The following SLC30A7 variants were observed in gnomAD, a reference collection of about 807,000 sequenced individuals.
SLC30A7 encodes the protein solute carrier family 30 member 7, also known as zinc transporter 7.
A neutral mutation model predicts 46.0 loss-of-function variants in SLC30A7; 35 were observed. That is an observed-to-expected ratio of 0.76 (90% CI 0.58 to 1.01). SLC30A7 has a LOEUF of 1.01. Among genes scored for constraint, SLC30A7 ranks in the 50% least tolerant of loss-of-function variants. The probability of loss-of-function intolerance (pLI) is 0.00; values close to 1 mark genes in which losing one functional copy is unlikely to be tolerated. For missense variants in SLC30A7, 464 were observed against 451.1 expected (o/e 1.03, Z -0.26); for synonymous variants, 147 against 157.8 (o/e 0.93, Z 0.51).
intron 2 of SLC30A7, among the ~76,000 whole-genome samples, chr1:100,904,266 A>C (rs1651499290): frequency 6.6e-6 from 1 of 152,184 alleles, no homozygotes; most frequent in South Asian, 2.1e-4. Context: ...CTTCAAGTTC[A>C]CGGATTTCTT....
chr1:100,992,520 GTACAA>G, the SLC30A7 span: 53 of 672,272 alleles, frequency 7.9e-5, 1 homozygote, highest in East Asian at 1.4e-3. Context: ...ACAAGAAATA[GTACAA>G]TACAAAAATA....
intron 8 of SLC30A7, among the ~76,000 whole-genome samples, chr1:100,939,196 C>T (rs927680938): frequency 2.6e-5 from 4 of 151,852 alleles, no homozygotes; most frequent in Non-Finnish European, 5.9e-5. Context: ...TAGCCAGTAA[C>T]ATTAAACAAG....
chr1:100,993,559 AATATATATATAT>A, the SLC30A7 span, among the ~76,000 whole-genome samples: 1,811 of 56,550 alleles, frequency 0.032, 144 homozygotes, highest in African/African-American at 0.1. Context: ...CGAAAATATA[AATATATATATAT>A]ATATATATAT....
At chr1:100,942,915 CTA>C (rs886100908) in intron 8 of SLC30A7, among the ~76,000 whole-genome samples, 32 of 152,152 alleles carry the variant, frequency 2.1e-4, no homozygotes, top group African/African-American at 7.5e-4. Flanking sequence ...TTTTATAAAA[CTA>C]TGTGGGTAAG....
intron 10 of SLC30A7, chr1:100,972,353 CTT>C: frequency 4.3e-6 from 1 of 231,322 alleles, no homozygotes; most frequent in East Asian, 1.5e-4. Flanking sequence ...AGCAAAATGA[CTT>C]TTTTTTCTTT....
chr1:100,912,793 G>A (rs565482249), intron 5 of SLC30A7, among the ~76,000 whole-genome samples: 151 of 151,798 alleles, frequency 9.9e-4, no homozygotes, highest in African/African-American at 3.5e-3. Context: ...TGGGAGAGTC[G>A]CTTGAGCCCG....
intron 2 of SLC30A7, among the ~76,000 whole-genome samples, chr1:100,905,219 T>C (rs1276757099): frequency 1.3e-5 from 2 of 152,168 alleles, no homozygotes; most frequent in African/African-American, 2.4e-5. Flanking sequence ...TTCAATACTT[T>C]AAAGGTGTTG....
chr1:100,975,324 A>T lies in SLC30A7; in HGVS notation c.*467A>T, dbSNP rs541465370. ...CACAAAACCAGTATTACTTTTTTTT[A>T]AAAAAAGAAAGAAATTGGAAATCTG... is the stretch of plus-strand genomic sequence containing the variant. On this transcript the variant is annotated 3_prime_UTR_variant, in exon 11 of 11. Coordinates refer to ENST00000357650, the MANE Select transcript of SLC30A7 (RefSeq NM_133496.5). The T allele has an allele frequency of 2.0e-3, 306 of 152,934 alleles. 1 individual carries two copies. Among genetic ancestry groups the T allele is most frequent in the Non-Finnish European group, 3.6e-3 (244 of 68,316 alleles). The allele number at this position is 152,934 out of a possible 1,614,324, so 9.5% of individuals were successfully genotyped here.
chr1:100,991,160 G>A, the SLC30A7 span, among the ~76,000 whole-genome samples: 56 of 152,322 alleles, frequency 3.7e-4, no homozygotes, highest in African/African-American at 1.3e-3. Context: ...AGCTAAGATA[G>A]TAGATATGAG....
At chr1:100,959,429 T>TC (rs1175544250) in intron 8 of SLC30A7, among the ~76,000 whole-genome samples, 1 of 152,208 alleles carries the variant, frequency 6.6e-6, no homozygotes, top group Non-Finnish European at 1.5e-5. Context: ...TGGCTCAGGA[T>TC]CTCTCACAAG....
intron 6 of SLC30A7, among the ~76,000 whole-genome samples, chr1:100,916,404 C>G (rs1652552960): frequency 6.6e-6 from 1 of 152,108 alleles, no homozygotes; most frequent in Non-Finnish European, 1.5e-5. Context: ...CCAGGATGGT[C>G]TCAATCTCCT....
chr1:100,961,864 A>C lies in SLC30A7; in HGVS notation c.879A>C (p.Leu293Phe), dbSNP rs1181826180. 1.2e-6 allele frequency: 2 copies of C among 1,607,894 alleles called. No homozygotes were observed. The highest frequency in any genetic ancestry group is 1.6e-4 in the Middle Eastern group (1 of 6,062). The change falls in exon 9 of 11, where the codon TTA becomes TTC. Residue 293 changes from leucine (L) to phenylalanine (F), a missense_variant. Transcript: ENST00000357650. ...TTTTAAGAGAATCTGTTGGAATATT[A>C]ATGCAGAGAACTCCTCCCCTATTAG... The part of the protein sequence containing the change: ...IPLLRESVGI[L>F]MQRTPPLLEN...
At chr1:100,957,831 T>C (rs1417105133) in intron 8 of SLC30A7, among the ~76,000 whole-genome samples, 5 of 152,204 alleles carry the variant, frequency 3.3e-5, no homozygotes, top group African/African-American at 1.2e-4. Flanking sequence ...TTAAGTTTAA[T>C]ATATGAAAAC....
intron 8 of SLC30A7, among the ~76,000 whole-genome samples, chr1:100,950,961 AG>A (rs1654920307): frequency 6.6e-6 from 1 of 152,194 alleles, no homozygotes; most frequent in Non-Finnish European, 1.5e-5. Flanking sequence ...TTACCACTAT[AG>A]GCAACAGGAG....
chr1:100,966,438 A>T (rs1180132907), intron 10 of SLC30A7, among the ~76,000 whole-genome samples: 2 of 151,862 alleles, frequency 1.3e-5, no homozygotes, highest in Non-Finnish European at 2.9e-5. Flanking sequence ...AGAAAAAATT[A>T]GCCGGGTGTG....
At position 100,974,979 on chromosome 1, in the gene SLC30A7, A is replaced by G; in HGVS notation, c.*122A>G. 1.5e-6 allele frequency: 1 copy of G among 674,968 alleles called. No individual in the cohort carries two copies. The highest frequency in any genetic ancestry group is 2.4e-6 in the Non-Finnish European group (1 of 417,040). The allele number at this position is 674,968 out of a possible 1,614,324, so 41.8% of individuals were successfully genotyped here. ...TCACTACAACTCCCGAGCACTAAGT[A>G]GACGGGGTAGAGTCAGCCGTTCATG... On this transcript the variant is annotated 3_prime_UTR_variant, in exon 11 of 11. Coordinates refer to ENST00000357650, the MANE Select transcript of SLC30A7 (RefSeq NM_133496.5).
At chr1:100,944,863 C>T (rs888946473) in intron 8 of SLC30A7, among the ~76,000 whole-genome samples, 1 of 152,098 alleles carries the variant, frequency 6.6e-6, no homozygotes, top group African/African-American at 2.4e-5. Context: ...GAGGAATCGC[C>T]ACAGTCTTCC....
chr1:100,943,247 C>T (rs1293883847), intron 8 of SLC30A7, among the ~76,000 whole-genome samples: 2 of 152,154 alleles, frequency 1.3e-5, no homozygotes, highest in Non-Finnish European at 2.9e-5. Flanking sequence ...CCCACAACCC[C>T]CTCCTTGGAT....
downstream of SLC30A7, among the ~76,000 whole-genome samples, chr1:100,986,641 T>G (rs963916758): frequency 6.6e-6 from 1 of 152,246 alleles, no homozygotes; most frequent in African/African-American, 2.4e-5. Flanking sequence ...AAACCTGTTA[T>G]GTTAATGTTT....
Sources: gnomAD v4.1 joint callset for allele counts (sites outside exome capture counted in the v4.1 genomes callset) on GRCh38, gnomAD v4.1.1 for gene constraint, MANE v1.5 for transcripts, NCBI Gene and HGNC (gene_info 2026-07-23, HGNC 2026-07-21) for gene names.